NDUFB9: variants seen among roughly 807,000 people sequenced by gnomAD.
NDUFB9 encodes the protein NADH dehydrogenase [ubiquinone] 1 beta subcomplex subunit 9.
Under a neutral mutation model 30.2 loss-of-function variants are expected in NDUFB9, and 24 were observed. That is an observed-to-expected ratio of 0.80 (90% CI 0.58 to 1.12). The LOEUF is 1.12. Among genes scored for constraint, NDUFB9 ranks in the 50% most tolerant of loss-of-function variants. The probability of loss-of-function intolerance (pLI) is 0.00; values close to 1 mark genes in which losing one functional copy is unlikely to be tolerated. For missense variants in NDUFB9, 204 were observed against 226.0 expected, an observed-to-expected ratio of 0.90 and a Z score of 0.62; for synonymous variants, 80 against 84.0, an observed-to-expected ratio of 0.95 and a Z score of 0.26.
In NDUFB9 at chr8:124,539,212, A is replaced by G. The variant is rs747887062; in HGVS notation, c.26A>G (p.Tyr9Cys). The change falls in exon 1 of 4, where the codon TAC (tyrosine) becomes TGC (cysteine). Residue 9 changes from tyrosine (Y) to cysteine (C), a missense_variant. Physicochemically the swap from Tyr to Cys is radical, Grantham distance 194. Coordinates refer to ENST00000276689, the MANE Select transcript of NDUFB9 (RefSeq NM_005005.3). ...ATGGCGTTCTTGGCGTCGGGACCCT[A>G]CCTGACCCATCAGCAAAAGGTGTTG... MAFLASGPYLTHQQKVLRL... is the reference protein window; with the variant it reads MAFLASGPCLTHQQKVLRL... 3.7e-6 allele frequency: 6 copies of G among 1,613,980 alleles called. No individual in the cohort carries two copies. The Admixed American group carries it at 1.0e-4, about 27-fold the overall frequency.
In NDUFB9 at chr8:124,549,814, G is replaced by GC; in HGVS notation, c.467dup (p.Ala157CysfsTer6). ...CTGGTGGTCCTTTAACTGAAGCTTTGCCCCCTGCCCGAAAGGAAGGTGATT... is the reference window on the plus strand; with the variant it reads ...CTGGTGGTCCTTTAACTGAAGCTTTGCCCCCCTGCCCGAAAGGAAGGTGATT... On this transcript the variant is annotated frameshift_variant, in exon 4 of 4. Coordinates refer to ENST00000276689, the MANE Select transcript of NDUFB9 (RefSeq NM_005005.3). LOFTEE classifies it high-confidence loss of function. The GC allele has an allele frequency of 6.2e-7, 1 of 1,614,108 alleles. No individual in the cohort carries two copies. The highest frequency in any genetic ancestry group is 2.2e-5 in the East Asian group (1 of 44,888).
intron 1 of NDUFB9, among the ~76,000 whole-genome samples, chr8:124,540,122 C>A (rs1316131700): frequency 6.6e-6 from 1 of 152,106 alleles, no homozygotes; most frequent in Non-Finnish European, 1.5e-5. Flanking sequence ...ATGGAGTAGG[C>A]CTGGAAGAAT....
intron 3 of NDUFB9, among the ~76,000 whole-genome samples, chr8:124,548,649 G>A (rs1272722699): frequency 3.3e-5 from 5 of 152,134 alleles, no homozygotes; most frequent in Admixed American, 6.5e-5. Flanking sequence ...TATATGGTTC[G>A]GTTTGTCTGT....
intron 2 of NDUFB9, 104 bp downstream of exon 2, chr8:124,543,383 G>T (rs954987799): frequency 3.3e-6 from 4 of 1,205,662 alleles, no homozygotes; most frequent in Admixed American, 1.9e-5. Flanking sequence ...GTAGCTAGGA[G>T]ACTTATTTCC....
intron 2 of NDUFB9, 103 bp downstream of exon 2, chr8:124,543,382 A>G (rs1312062833): frequency 1.6e-6 from 2 of 1,217,882 alleles, no homozygotes; most frequent in African/African-American, 3.0e-5. Context: ...GGTAGCTAGG[A>G]GACTTATTTC....
chr8:124,542,803 T>TTTTC, intron 1 of NDUFB9: 1 of 332,898 alleles, frequency 3.0e-6, no homozygotes, highest in East Asian at 5.3e-5. Flanking sequence ...GCGAATGCTC[T>TTTTC]TTTCTTTTTT....
At chr8:124,547,964 G>A (rs979795828) in intron 3 of NDUFB9, among the ~76,000 whole-genome samples, 13 of 151,652 alleles carry the variant, frequency 8.6e-5, no homozygotes, top group African/African-American at 1.9e-4. Flanking sequence ...CAGCCTGGGC[G>A]ACAGAGCAAG....
In NDUFB9 at chr8:124,539,261, C is replaced by G. The variant is rs764569699; in HGVS notation, c.75C>G (p.Arg25=). The G allele has an allele frequency of 1.9e-6, 3 of 1,614,206 alleles. No individual in the cohort carries two copies. The Admixed American group carries it at 5.0e-5, about 27-fold the overall frequency. Reference sequence around the variant, plus strand: ...TGCGGCTTTATAAGCGGGCGCTACGCCACCTCGAGTCGTGGTGCGTCCAGA... The same window carrying G: ...TGCGGCTTTATAAGCGGGCGCTACGGCACCTCGAGTCGTGGTGCGTCCAGA... ...KVLRLYKRAL[R]HLESWCVQRD... Residue 25 remains arginine, a synonymous_variant, in exon 1 of 4, where the codon CGC becomes CGG. Transcript: ENST00000276689.
chr8:124,546,747 G>C (rs1386883348), intron 2 of NDUFB9: 2 of 554,596 alleles, frequency 3.6e-6, no homozygotes, highest in Non-Finnish European at 6.4e-6. Context: ...AGGTAGGGGA[G>C]GAATGAAGCC....
intron 3 of NDUFB9, among the ~76,000 whole-genome samples, chr8:124,547,989 GA>G (rs111867941): frequency 6.8e-5 from 10 of 147,436 alleles, no homozygotes; most frequent in Admixed American, 2.0e-4. Context: ...CATCCCAAAA[GA>G]AAAAAAAAAG....
intron 1 of NDUFB9, among the ~76,000 whole-genome samples, chr8:124,541,959 G>T (rs1822011461): frequency 6.7e-6 from 1 of 148,814 alleles, no homozygotes; most frequent in Non-Finnish European, 1.5e-5. Flanking sequence ...TTGTCCCCCA[G>T]GCTGGAGTGC....
Position 124,541,151 on chromosome 8 carries a change from A to T in NDUFB9, c.101+1864A>T, listed in dbSNP as rs140918600. ...ATTGCACTCCAGCCTGGGCGACAAG[A>T]GTGAAACTTTGTCTCAAAAAATAAT... On this transcript the variant is annotated intron_variant, in intron 1 of 3. Coordinates refer to ENST00000276689, the MANE Select transcript of NDUFB9 (RefSeq NM_005005.3). Among the ~76,000 whole-genome samples the T allele has an allele frequency of 2.4e-4, 36 of 152,238 alleles. 3 individuals are homozygous for T. The East Asian group carries it at 6.7e-3, about 29-fold the overall frequency.
Position 124,543,801 on chromosome 8 carries a change from C to T in NDUFB9, c.294+522C>T, listed in dbSNP as rs951017504. 6.6e-5 allele frequency among the ~76,000 whole-genome samples: 10 copies of T among 152,176 alleles called. No homozygotes were observed. The South Asian group carries it at 8.3e-4, about 13-fold the overall frequency. Reference sequence around the variant, plus strand: ...CCTCAGGGTTCCCTATTCCCTAAGACGCAGCAACAGTGAAATTAGGACAAT... The same window carrying T: ...CCTCAGGGTTCCCTATTCCCTAAGATGCAGCAACAGTGAAATTAGGACAAT... On this transcript the variant is annotated intron_variant, in intron 2 of 3. Transcript: ENST00000276689.
intron 1 of NDUFB9, chr8:124,542,836 TC>T: frequency 7.8e-6 from 2 of 257,580 alleles, no homozygotes; most frequent in Non-Finnish European, 1.5e-5. Context: ...TTTGTTTAAA[TC>T]CTCATTCCAT....
chr8:124,541,767 C>A (rs1822001185), intron 1 of NDUFB9, among the ~76,000 whole-genome samples: 1 of 152,020 alleles, frequency 6.6e-6, no homozygotes, highest in African/African-American at 2.4e-5. Context: ...CCACGCCTGG[C>A]TAATTTTTGT....
intron 2 of NDUFB9, among the ~76,000 whole-genome samples, chr8:124,544,291 A>G (rs531171386): frequency 6.6e-6 from 1 of 152,380 alleles, no homozygotes; most frequent in African/African-American, 2.4e-5. Flanking sequence ...GAAAAAAGCC[A>G]TCTCTGTAAC....
chr8:124,540,621 A>G (rs1019111503), intron 1 of NDUFB9, among the ~76,000 whole-genome samples: 16 of 152,252 alleles, frequency 1.1e-4, no homozygotes, highest in Admixed American at 1.0e-3. Context: ...ATAGCTGGGA[A>G]TACTAAAGTC....
At chr8:124,543,332 G>A in intron 2 of NDUFB9, 53 bp downstream of exon 2, 1 of 1,555,402 alleles carries the variant, frequency 6.4e-7, no homozygotes, top group Non-Finnish European at 8.9e-7. Context: ...TGTTTCTTCA[G>A]TCCCACACCT....
intron 2 of NDUFB9, among the ~76,000 whole-genome samples, chr8:124,545,878 T>G (rs570187166): frequency 6.6e-6 from 1 of 151,956 alleles, no homozygotes; most frequent in African/African-American, 2.4e-5. Flanking sequence ...GGGGACAGAG[T>G]TTTGCCCAGG....
Sources: allele counts gnomAD v4.1 joint callset (sites outside exome capture counted in the v4.1 genomes callset), GRCh38; gene constraint gnomAD v4.1.1; transcripts MANE v1.5; gene names NCBI Gene and HGNC (gene_info 2026-07-23, HGNC 2026-07-21).